AEN: variants seen among roughly 807,000 people sequenced by gnomAD.
The protein encoded by AEN is apoptosis enhancing nuclease.
Under a neutral mutation model 17.7 loss-of-function variants are expected in AEN, and 21 were observed. The ratio of observed to expected loss-of-function variants is 1.19; its 90% confidence interval spans 0.84 to 1.71. The LOEUF is 1.71. Ranked by LOEUF, AEN falls within the 40% of genes most tolerant of loss-of-function variation. The probability of loss-of-function intolerance (pLI) is 0.00; values close to 1 mark genes in which losing one functional copy is unlikely to be tolerated. For synonymous variants in AEN, 190 were observed against 173.0 expected (o/e 1.10, Z -0.77); for missense variants, 462 against 435.9 (o/e 1.06, Z -0.53).
intron 1 of AEN, among the ~76,000 whole-genome samples, chr15:88,622,589 C>T (rs1170168077): frequency 1.3e-5 from 2 of 152,212 alleles, no homozygotes; most frequent in Non-Finnish European, 2.9e-5. Context: ...GGGTATGTGA[C>T]AGGGACTGCA....
At chr15:88,610,689 A>G in the AEN span, among the ~76,000 whole-genome samples, 7 of 152,308 alleles carry the variant, frequency 4.6e-5, no homozygotes, top group South Asian at 1.2e-3. Context: ...TAGAGAGAAT[A>G]AACCCAAGGA....
the AEN span, among the ~76,000 whole-genome samples, chr15:88,606,119 G>A: frequency 1.3e-5 from 2 of 152,200 alleles, no homozygotes; most frequent in African/African-American, 2.4e-5. Flanking sequence ...GTGAGCAAAG[G>A]GGCAAGCGGG....
chr15:88,630,345 GGGGGCCAGGAGAGCAGC>G lies in AEN; in HGVS notation c.*55_*71del, dbSNP rs1444336611. On this transcript the variant is annotated 3_prime_UTR_variant, in exon 4 of 4. Coordinates refer to ENST00000332810, the MANE Select transcript of AEN (RefSeq NM_022767.4). The surrounding 1 kb of genome is among the most constrained non-coding windows in gnomAD (Gnocchi z 5.1). ...GCTTCCGGTGTGGCCGGTAGGAAGT[GGGGGCCAGGAGAGCAGC>G]GGGCACTCCTTCCTGGGCAGGGTGG... is the stretch of plus-strand genomic sequence containing the variant. The G allele has an allele frequency of 6.6e-7, 1 of 1,514,652 alleles. No homozygotes were observed. Among genetic ancestry groups the G allele is most frequent in the Non-Finnish European group, 9.0e-7 (1 of 1,115,908 alleles). 93.8% of individuals were successfully genotyped at this position (1,514,652 alleles called of 1,614,324 possible). A position where few individuals can be genotyped will look rare whatever the true frequency, so the allele number is the denominator to read the frequency against.
chr15:88,605,706 A>G, the AEN span, among the ~76,000 whole-genome samples: 3 of 152,232 alleles, frequency 2.0e-5, no homozygotes, highest in Non-Finnish European at 4.4e-5. The surrounding 1 kb of genome is among the most constrained non-coding windows in gnomAD (Gnocchi z 7.6). Flanking sequence ...TCCACTCGGC[A>G]GACCAAGCGC....
the AEN span, among the ~76,000 whole-genome samples, chr15:88,607,685 A>C: frequency 1.3e-5 from 2 of 152,206 alleles, no homozygotes; most frequent in African/African-American, 4.8e-5. Context: ...CCATAAACAC[A>C]CAGGTCTTTT....
At chr15:88,608,140 G>A in the AEN span, 1 of 531,556 alleles carries the variant, frequency 1.9e-6, no homozygotes, top group Admixed American at 1.9e-5. Flanking sequence ...TTCATTGGTT[G>A]GTGTGTATTG....
the AEN span, chr15:88,612,051 G>T: frequency 2.7e-6 from 1 of 373,844 alleles, no homozygotes; most frequent in Non-Finnish European, 5.2e-6. Flanking sequence ...ACACCCATCG[G>T]CAGACTCTTC....
the AEN span, among the ~76,000 whole-genome samples, chr15:88,611,540 G>A: frequency 6.6e-6 from 1 of 151,976 alleles, no homozygotes; most frequent in East Asian, 1.9e-4. Context: ...AAGCTGGAGT[G>A]AGCTGTGATT....
chr15:88,629,906 G>A (rs564615317), intron 3 of AEN, 152 bp from the exon 4 acceptor site: 6 of 710,780 alleles, frequency 8.4e-6, no homozygotes, highest in Middle Eastern at 2.9e-4. Context: ...ATGGTGTACA[G>A]TTGAGGTTCC....
At chr15:88,607,193 A>G in the AEN span, among the ~76,000 whole-genome samples, 1 of 152,210 alleles carries the variant, frequency 6.6e-6, no homozygotes, top group African/African-American at 2.4e-5. Flanking sequence ...CCCTTAGCAG[A>G]TGGACACTAG....
chr15:88,625,336 T>C (rs2141370707), intron 1 of AEN, among the ~76,000 whole-genome samples: 1 of 152,186 alleles, frequency 6.6e-6, no homozygotes, highest in South Asian at 2.1e-4. Context: ...GGCAACATGA[T>C]GAAACCCCAT....
the AEN span, among the ~76,000 whole-genome samples, chr15:88,611,432 CTAAAAAA>C: frequency 0.012 from 1,020 of 82,010 alleles, 9 homozygotes; most frequent in African/African-American, 0.047. Context: ...CTTGTCTTTA[CTAAAAAA>C]AAAAAAAAAA....
At chr15:88,627,458 T>TC (rs2057869024) in intron 2 of AEN, 1 of 117,590 alleles carries the variant, frequency 8.5e-6, no homozygotes, top group Non-Finnish European at 2.0e-5. Context: ...GCATCTTGTT[T>TC]CTTTTTTTTT....
upstream of AEN, among the ~76,000 whole-genome samples, chr15:88,621,076 G>A (rs1214771355): frequency 6.6e-6 from 1 of 152,216 alleles, no homozygotes; most frequent in Admixed American, 6.5e-5. Context: ...GATTGGAGCC[G>A]GGGAACACTG....
the AEN span, among the ~76,000 whole-genome samples, chr15:88,605,391 C>T: frequency 1.3e-5 from 2 of 152,206 alleles, no homozygotes; most frequent in Non-Finnish European, 2.9e-5. This position sits in a 1 kb window ranked among gnomAD's most constrained non-coding sequence, Gnocchi z 7.6. Flanking sequence ...ATGCAGCTGA[C>T]TTGTTGCATG....
At chr15:88,629,978 T>G in intron 3 of AEN, 80 bp from the exon 4 acceptor site, 1 of 1,376,910 alleles carries the variant, frequency 7.3e-7, no homozygotes, top group Non-Finnish European at 1.0e-6. Context: ...CAAAGAGCCC[T>G]GGGAAACTGG....
rs943785346 is a variant in AEN at position 88,625,647 on chromosome 15, G to A, written c.-64-499G>A. The stretch of plus-strand genomic sequence containing the variant: ...ATCTGTGCCTTCATATTTCAAAAAA[G>A]TATTTCTTAAAAAAGGCTATACAGT... On this transcript the variant is annotated intron_variant, in intron 1 of 3. Coordinates refer to ENST00000332810, the MANE Select transcript of AEN (RefSeq NM_022767.4). Among the ~76,000 whole-genome samples the A allele has an allele frequency of 3.3e-5, 5 of 152,256 alleles. No individual in the cohort carries two copies. The South Asian group carries it at 1.0e-3, about 32-fold the overall frequency.
At chr15:88,618,292 T>C (rs1333864482), upstream of AEN, among the ~76,000 whole-genome samples, 2 of 152,254 alleles carry the variant, frequency 1.3e-5, no homozygotes. Flanking sequence ...CCAAGCATAA[T>C]ATATTTTCAT....
At chr15:88,611,796 G>A in the AEN span, 3 of 473,306 alleles carry the variant, frequency 6.3e-6, no homozygotes, top group Non-Finnish European at 4.3e-6. Context: ...GGGGAGGGGG[G>A]TGGTCCTCGA....
Sources: gnomAD v4.1 joint callset for allele counts (sites outside exome capture counted in the v4.1 genomes callset) on GRCh38, gnomAD v4.1.1 for gene constraint, Gnocchi (gnomAD v3.1) non-coding constraint, MANE v1.5 for transcripts, NCBI Gene and HGNC (gene_info 2026-07-23, HGNC 2026-07-21) for gene names.